MID1: variants seen among roughly 807,000 people sequenced by gnomAD.
The protein encoded by MID1 is midline 1, also known as E3 ubiquitin-protein ligase Midline-1.
Under a neutral mutation model 40.4 loss-of-function variants are expected in MID1, and 7 were observed. The observed-to-expected ratio is 0.17, with a 90% CI of 0.10 to 0.33. The LOEUF (loss-of-function observed/expected upper bound fraction) is 0.33. MID1 is among the 10% of genes least tolerant of loss of function. The pLI is 1.00. For missense variants in MID1, 367 were observed against 558.5 expected (o/e 0.66, Z 3.46); for synonymous variants, 229 against 221.2 (o/e 1.04, Z -0.31).
chrX:10,702,422 T>C (rs748493965), intron 1 of MID1, among the ~76,000 whole-genome samples: 2 of 112,431 alleles, frequency 1.8e-5, no homozygotes, highest in South Asian at 7.4e-4. Flanking sequence ...ATGTATCTTC[T>C]TTAAACTGAG....
chrX:10,535,912 T>A (rs1194078370), intron 2 of MID1, among the ~76,000 whole-genome samples: 4 of 111,476 alleles, frequency 3.6e-5, no homozygotes, highest in Non-Finnish European at 5.6e-5. Flanking sequence ...TTCCCAATAT[T>A]TGGAAACCAA....
intron 1 of MID1, among the ~76,000 whole-genome samples, chrX:10,614,160 G>A (rs982032265): frequency 1.8e-5 from 2 of 111,091 alleles, no homozygotes; most frequent in African/African-American, 3.3e-5. Context: ...TCAAATACTC[G>A]TGTGGATAAG....
chrX:10,749,698 A>T (rs1434900269), intron 1 of MID1, among the ~76,000 whole-genome samples: 1 of 111,676 alleles, frequency 9.0e-6, no homozygotes, highest in Non-Finnish European at 1.9e-5. Context: ...AAAGGGGAAG[A>T]AGCACGTCAC....
At chrX:10,477,209 T>C (rs1033531479) in intron 5 of MID1, among the ~76,000 whole-genome samples, 1 of 112,916 alleles carries the variant, frequency 8.9e-6, no homozygotes, top group Admixed American at 9.3e-5. Flanking sequence ...GCTTTAGCAG[T>C]TTCCCTGCCC....
intron 1 of MID1, among the ~76,000 whole-genome samples, chrX:10,711,675 A>C (rs901570171): frequency 8.9e-6 from 1 of 112,786 alleles, no homozygotes; most frequent in African/African-American, 3.2e-5. Flanking sequence ...GATGAATTAA[A>C]GAATCAAGAT....
At chrX:10,675,954 C>T (rs2043020844) in intron 1 of MID1, among the ~76,000 whole-genome samples, 1 of 112,139 alleles carries the variant, frequency 8.9e-6, no homozygotes, top group African/African-American at 3.2e-5. Context: ...TGAGTGTGAA[C>T]ACTCTCCCCT....
chrX:10,503,104 C>T (rs754328713), intron 3 of MID1, among the ~76,000 whole-genome samples: 2 of 111,317 alleles, frequency 1.8e-5, no homozygotes, highest in African/African-American at 3.3e-5. Context: ...CTCTACACCC[C>T]GCTGTGTACC....
intron 2 of MID1, among the ~76,000 whole-genome samples, chrX:10,529,558 G>A (rs1043475757): frequency 9.0e-6 from 1 of 111,493 alleles, no homozygotes; most frequent in African/African-American, 3.3e-5. Context: ...AGTTTGAATG[G>A]GCAACTCCCT....
intron 2 of MID1, among the ~76,000 whole-genome samples, chrX:10,556,051 G>A (rs1252876812): frequency 1.9e-5 from 2 of 107,296 alleles, no homozygotes; most frequent in African/African-American, 6.9e-5. Context: ...ACAGCCCAGG[G>A]CCAACTTGCT....
chrX:10,795,932 G>A (rs1363856668), intron 1 of MID1, among the ~76,000 whole-genome samples: 1 of 111,464 alleles, frequency 9.0e-6, no homozygotes, highest in South Asian at 3.8e-4. Flanking sequence ...TCTAAATCTC[G>A]TGACCCATAA....
intron 3 of MID1, among the ~76,000 whole-genome samples, chrX:10,508,889 G>A (rs1235255979): frequency 9.0e-6 from 1 of 111,463 alleles, no homozygotes; most frequent in Non-Finnish European, 1.9e-5. Context: ...ATAGAGTCTG[G>A]CTAAAACAAA....
At chrX:10,475,174 A>T (rs1246880552) in intron 5 of MID1, 1 of 332,892 alleles carries the variant, frequency 3.0e-6, no homozygotes, top group East Asian at 9.6e-5. Context: ...ACTTCAAAGG[A>T]GAGTCTCCAA....
chrX:10,749,158 G>A (rs2043581985), intron 1 of MID1, among the ~76,000 whole-genome samples: 1 of 110,823 alleles, frequency 9.0e-6, no homozygotes, highest in Admixed American at 9.7e-5. Flanking sequence ...GTTCTTCCCT[G>A]ATATTTGACA....
At chrX:10,607,664 G>T (rs2147528148) in intron 1 of MID1, among the ~76,000 whole-genome samples, 1 of 112,426 alleles carries the variant, frequency 8.9e-6, no homozygotes, top group Admixed American at 9.4e-5. Context: ...CAAAGGCAAT[G>T]GAATATGTTG....
intron 3 of MID1, among the ~76,000 whole-genome samples, chrX:10,509,803 CAGA>C (rs1174345082): frequency 8.9e-6 from 1 of 112,177 alleles, no homozygotes; most frequent in African/African-American, 3.2e-5. Context: ...ACAAGGAGGA[CAGA>C]AGGATGATGT....
chrX:10,560,347 A>T (rs972530646), intron 2 of MID1, among the ~76,000 whole-genome samples: 3 of 111,649 alleles, frequency 2.7e-5, no homozygotes, highest in African/African-American at 9.8e-5. Flanking sequence ...CTCCTATTCA[A>T]CACAGTATTG....
At position 10,759,296 on chromosome X, in the gene MID1, C is replaced by T. The variant is rs1026543868; in HGVS notation, c.-187+74258G>A. On this transcript the variant is annotated intron_variant, in intron 1 of 10. Transcript: ENST00000380785. ...AAGGAGACCGAGGAAATGCTGGCGA[C>T]GCAGGGCTGAGGCACAACTTTGATG... is the stretch of plus-strand genomic sequence containing the variant. Among the ~76,000 whole-genome samples the T allele has an allele frequency of 8.0e-5, 9 of 111,837 alleles. 1 individual carries two copies. The highest frequency in any genetic ancestry group is 2.6e-4 in the African/African-American group (8 of 30,742).
chrX:10,555,475 T>A (rs1391783469), intron 2 of MID1, among the ~76,000 whole-genome samples: 3 of 111,584 alleles, frequency 2.7e-5, no homozygotes, highest in Admixed American at 1.9e-4. Flanking sequence ...ATATCCTGTC[T>A]ATATATTCTT....
At chrX:10,674,612 T>C (rs2043010005) in intron 1 of MID1, among the ~76,000 whole-genome samples, 1 of 112,263 alleles carries the variant, frequency 8.9e-6, no homozygotes, top group Non-Finnish European at 1.9e-5. Context: ...GGTTCAAATA[T>C]AATAATGAAG....
Sources: gnomAD v4.1 joint callset for allele counts (sites outside exome capture counted in the v4.1 genomes callset) on GRCh38, gnomAD v4.1.1 for gene constraint, MANE v1.5 for transcripts, NCBI Gene and HGNC (gene_info 2026-07-23, HGNC 2026-07-21) for gene names.